EPB41L3: variants seen among roughly 807,000 people sequenced by gnomAD.
The protein encoded by EPB41L3 is band 4.1-like protein 3.
A neutral mutation model predicts 127.1 loss-of-function variants in EPB41L3; 57 were observed. That is an observed-to-expected ratio of 0.45 (90% CI 0.36 to 0.56). The LOEUF (loss-of-function observed/expected upper bound fraction) is 0.56, where lower values mean the gene tolerates loss of function less well. Ranked by LOEUF, EPB41L3 falls within the 20% of genes least tolerant of loss-of-function variation. The probability of loss-of-function intolerance (pLI) is 0.00; values close to 1 mark genes in which losing one functional copy is unlikely to be tolerated. For synonymous variants in EPB41L3, 572 were observed against 549.5 expected (o/e 1.04, Z -0.57); for missense variants, 1,273 against 1,372.2 (o/e 0.93, Z 1.14).
chr18:5,622,951 AT>A (rs10622515), intron 1 of EPB41L3, among the ~76,000 whole-genome samples: 18 of 76,048 alleles, frequency 2.4e-4, no homozygotes, highest in Admixed American at 7.7e-4. Context: ...CATAATGCTG[AT>A]TTTTTTTTTT....
chr18:5,538,732 G>A (rs978906258), intron 1 of EPB41L3, among the ~76,000 whole-genome samples: 24 of 152,210 alleles, frequency 1.6e-4, no homozygotes, highest in Middle Eastern at 3.4e-3. Flanking sequence ...TGTCCTCCAT[G>A]ACACCAATTA....
intron 1 of EPB41L3, among the ~76,000 whole-genome samples, chr18:5,491,622 T>C (rs2090604562): frequency 6.6e-6 from 1 of 152,186 alleles, no homozygotes; most frequent in Admixed American, 6.5e-5. Flanking sequence ...CTGTTGTATA[T>C]CACACAACTC....
chr18:5,487,245 A>G (rs2089902794), intron 2 of EPB41L3, among the ~76,000 whole-genome samples: 1 of 152,144 alleles, frequency 6.6e-6, no homozygotes, highest in Non-Finnish European at 1.5e-5. Flanking sequence ...CAAATACTGC[A>G]TCTTCTCACT....
chr18:5,576,786 A>G (rs2094340387), intron 3 of EPB41L3, among the ~76,000 whole-genome samples: 1 of 152,238 alleles, frequency 6.6e-6, no homozygotes, highest in Admixed American at 6.5e-5. Flanking sequence ...CTGAAATTAT[A>G]TTTCACTATA....
chr18:5,454,701 A>C (rs1284855140), intron 3 of EPB41L3, among the ~76,000 whole-genome samples: 1 of 152,204 alleles, frequency 6.6e-6, no homozygotes, highest in Non-Finnish European at 1.5e-5. Context: ...TCAATCAATA[A>C]TTGTTCTATC....
intron 2 of EPB41L3, among the ~76,000 whole-genome samples, chr18:5,486,885 A>G (rs1568388333): frequency 6.6e-6 from 1 of 152,186 alleles, no homozygotes; most frequent in Admixed American, 6.5e-5. Flanking sequence ...GTGGAAATGT[A>G]AATTCATACA....
At chr18:5,582,737 A>G (rs1017058178) in intron 3 of EPB41L3, among the ~76,000 whole-genome samples, 11 of 152,218 alleles carry the variant, frequency 7.2e-5, no homozygotes, top group Admixed American at 5.9e-4. Flanking sequence ...CAAATTGTTT[A>G]TGACTGAGCT....
At chr18:5,425,485 G>A (rs1283563587) in intron 9 of EPB41L3, among the ~76,000 whole-genome samples, 1 of 152,076 alleles carries the variant, frequency 6.6e-6, no homozygotes, top group Non-Finnish European at 1.5e-5. Context: ...CACATATTAC[G>A]CCAATGCCAG....
In EPB41L3 at chr18:5,543,150, C is replaced by T. The variant is rs553541443; in HGVS notation, c.-12+763G>A. ...TGCTCCCGCGCCCGGGTGCCAGAGG[C>T]GAGGGGCCCCGGCAGGTGCCCAGGC... On this transcript the variant is annotated intron_variant, in intron 1 of 22. Coordinates refer to ENST00000341928, the MANE Select transcript of EPB41L3 (RefSeq NM_012307.5). This position sits in a 1 kb window ranked among gnomAD's most constrained non-coding sequence, Gnocchi z 5.2. 5.9e-5 allele frequency among the ~76,000 whole-genome samples: 9 copies of T among 151,310 alleles called. No individual in the cohort carries two copies. The South Asian group carries it at 1.9e-3, about 31-fold the overall frequency.
At chr18:5,398,364 G>A (rs1014085882) in intron 16 of EPB41L3, 12 of 566,960 alleles carry the variant, frequency 2.1e-5, no homozygotes, top group Middle Eastern at 4.6e-4. Context: ...TCAGGGTGGC[G>A]CCGATTTAAG....
At chr18:5,545,917 GTA>G (rs1441489364), upstream of EPB41L3, among the ~76,000 whole-genome samples, 7 of 135,100 alleles carry the variant, frequency 5.2e-5, no homozygotes, top group Admixed American at 1.5e-4. Context: ...GTGTGTGTGT[GTA>G]GCACATAAGG....
chr18:5,561,247 G>C (rs1221509088), intron 3 of EPB41L3, among the ~76,000 whole-genome samples: 1 of 152,110 alleles, frequency 6.6e-6, no homozygotes, highest in Non-Finnish European at 1.5e-5. Flanking sequence ...AAAGTGCTGG[G>C]ATTATAGGCG....
intron 3 of EPB41L3, among the ~76,000 whole-genome samples, chr18:5,577,171 A>T (rs987076567): frequency 1.3e-5 from 2 of 152,260 alleles, no homozygotes; most frequent in African/African-American, 4.8e-5. Context: ...AATAACAAAC[A>T]TTTTAAGAGG....
At chr18:5,550,768 G>T (rs946489059) in intron 3 of EPB41L3, among the ~76,000 whole-genome samples, 18 of 152,288 alleles carry the variant, frequency 1.2e-4, no homozygotes, top group African/African-American at 4.1e-4. Context: ...TGGAACCAGG[G>T]CTTGCCTACC....
intron 3 of EPB41L3, among the ~76,000 whole-genome samples, chr18:5,563,528 A>G (rs1397601276): frequency 2.0e-5 from 3 of 152,192 alleles, no homozygotes; most frequent in Non-Finnish European, 4.4e-5. Flanking sequence ...AAAAAGCAAG[A>G]TGGATTGAGG....
chr18:5,482,465 T>C (rs1000169377), intron 2 of EPB41L3, among the ~76,000 whole-genome samples: 3 of 152,098 alleles, frequency 2.0e-5, no homozygotes, highest in African/African-American at 7.2e-5. Flanking sequence ...CACAGGAAAC[T>C]TTCCAAAACT....
chr18:5,475,461 A>T (rs566875874), intron 3 of EPB41L3, among the ~76,000 whole-genome samples: 2 of 152,304 alleles, frequency 1.3e-5, no homozygotes, highest in South Asian at 4.1e-4. Flanking sequence ...TGAAGGCTGG[A>T]TCTGTGCAAC....
At chr18:5,470,112 C>G (rs1375783781) in intron 3 of EPB41L3, among the ~76,000 whole-genome samples, 2 of 152,144 alleles carry the variant, frequency 1.3e-5, no homozygotes, top group Admixed American at 6.5e-5. Context: ...GTGCAGAGAC[C>G]TCTGAAACAG....
At chr18:5,627,000 CA>C (rs1383139621) in intron 1 of EPB41L3, among the ~76,000 whole-genome samples, 1 of 152,018 alleles carries the variant, frequency 6.6e-6, no homozygotes, top group Non-Finnish European at 1.5e-5. Context: ...AGAGAGAAGG[CA>C]GGGTGTTATA....
Sources: gnomAD v4.1 joint callset for allele counts (sites outside exome capture counted in the v4.1 genomes callset) on GRCh38, gnomAD v4.1.1 for gene constraint, Gnocchi (gnomAD v3.1) non-coding constraint, MANE v1.5 for transcripts, NCBI Gene and HGNC (gene_info 2026-07-23, HGNC 2026-07-21) for gene names.